The following FGF13 variants were observed in gnomAD, a reference collection of about 807,000 sequenced individuals.
The protein encoded by FGF13 is fibroblast growth factor homologous factor 2.
Under a neutral mutation model 19.5 loss-of-function variants are expected in FGF13, and 2 were observed. The observed-to-expected ratio is 0.10, with a 90% CI of 0.04 to 0.32. FGF13 has a LOEUF of 0.32. FGF13 is among the 10% of genes least tolerant of loss of function. The pLI, the probability that FGF13 is intolerant of heterozygous loss-of-function variation, is 1.00. For missense variants in FGF13, 113 were observed against 192.7 expected (o/e 0.59, Z 2.45); for synonymous variants, 72 against 76.9 (o/e 0.94, Z 0.33).
intron 3 of FGF13, among the ~76,000 whole-genome samples, chrX:138,768,726 T>TATATATATATATATATATA (rs1226957604): frequency 3.1e-5 from 3 of 97,866 alleles, no homozygotes; most frequent in Admixed American, 1.1e-4. Context: ...TAAGTATATA[T>TATATATATATATATATATA]TATATATATA....
At chrX:139,057,774 A>T (rs922596358) in intron 1 of FGF13, among the ~76,000 whole-genome samples, 1 of 112,504 alleles carries the variant, frequency 8.9e-6, no homozygotes, top group African/African-American at 3.2e-5. Flanking sequence ...AACTGAAAGA[A>T]GAAAGTCACA....
At chrX:138,868,169 T>C (rs773913753) in intron 1 of FGF13, among the ~76,000 whole-genome samples, 2 of 112,027 alleles carry the variant, frequency 1.8e-5, no homozygotes, top group East Asian at 2.8e-4. Flanking sequence ...AAAGTGCCTC[T>C]GGCCACAGTG....
chrX:138,810,235 C>T, intron 3 of FGF13, among the ~76,000 whole-genome samples: 1 of 111,614 alleles, frequency 9.0e-6, no homozygotes, highest in African/African-American at 3.3e-5. Flanking sequence ...GGTACTGGTG[C>T]CAAAACAGAG....
At chrX:138,847,436 G>T (rs1403211000) in intron 3 of FGF13, among the ~76,000 whole-genome samples, 1 of 111,509 alleles carries the variant, frequency 9.0e-6, no homozygotes, top group South Asian at 3.7e-4. Context: ...AGCTGGACAT[G>T]CTTCTGAGAA....
chrX:139,031,748 G>A lies in FGF13; in HGVS notation c.-112-167098C>T, dbSNP rs1466658669. ...AAAACCAAACAAACATGCTCCAGAA[G>A]TTTGTATGGTAAATCAAGAAGCCTC... On this transcript the variant is annotated intron_variant, in intron 1 of 2. Transcript: ENST00000421460. 3.7e-5 allele frequency among the ~76,000 whole-genome samples: 4 copies of A among 108,645 alleles called. No individual in the cohort carries two copies. The Admixed American group carries it at 3.9e-4, about 11-fold the overall frequency. 94.3% of individuals were successfully genotyped at this position (108,645 alleles called of 115,157 possible). A position where few individuals can be genotyped will look rare whatever the true frequency, so the allele number is the denominator to read the frequency against.
intron 1 of FGF13, among the ~76,000 whole-genome samples, chrX:139,099,392 A>G (rs530009380): frequency 1.8e-5 from 2 of 108,611 alleles, no homozygotes; most frequent in East Asian, 5.7e-4. Context: ...AAAAAAAAAA[A>G]AAAAAAGAAA....
At chrX:138,770,476 C>T (rs776285734) in intron 3 of FGF13, among the ~76,000 whole-genome samples, 1 of 111,077 alleles carries the variant, frequency 9.0e-6, no homozygotes, top group East Asian at 2.9e-4. Context: ...TCACTAACCC[C>T]ATTCTTTCAT....
At chrX:139,075,022 G>A (rs953565554) in intron 1 of FGF13, among the ~76,000 whole-genome samples, 8 of 111,856 alleles carry the variant, frequency 7.2e-5, no homozygotes, top group Non-Finnish European at 1.5e-4. Flanking sequence ...CAGGTCTCTC[G>A]TGACATGTAC....
At chrX:139,039,953 G>A (rs2092263681) in intron 1 of FGF13, among the ~76,000 whole-genome samples, 1 of 111,808 alleles carries the variant, frequency 8.9e-6, no homozygotes, top group Admixed American at 9.5e-5. Flanking sequence ...TGAAAAGGTT[G>A]TATACTTCCA....
chrX:138,729,478 GAAAGA>G (rs1263595013), intron 1 of FGF13, among the ~76,000 whole-genome samples: 1 of 109,732 alleles, frequency 9.1e-6, no homozygotes, highest in East Asian at 2.9e-4. Flanking sequence ...GCAACAGAAA[GAAAGA>G]AAACAGTCAA....
In FGF13 at chrX:139,145,961, A is replaced by G. The variant is rs374918772; in HGVS notation, c.-113+57455T>C. Among the ~76,000 whole-genome samples the G allele has an allele frequency of 3.1e-4, 35 of 111,892 alleles. No homozygotes were observed. In the South Asian group the frequency reaches 0.013, roughly 42 times the overall value. On this transcript the variant is annotated intron_variant, in intron 1 of 2. Coordinates refer to the FGF13 transcript ENST00000421460. ...AACCTTTCCTTACACCTTATACAAA[A>G]ATTAATTCAAGATGGATTAAAGACT... is the stretch of plus-strand genomic sequence containing the variant.
intron 1 of FGF13, among the ~76,000 whole-genome samples, chrX:138,996,047 G>T (rs1271995983): frequency 1.8e-5 from 2 of 111,800 alleles, no homozygotes; most frequent in African/African-American, 6.5e-5. Context: ...TTGAAAAGCA[G>T]TCTGGAGAGG....
At chrX:138,958,177 C>T (rs1385652760) in intron 1 of FGF13, among the ~76,000 whole-genome samples, 2 of 111,531 alleles carry the variant, frequency 1.8e-5, no homozygotes, top group Admixed American at 1.9e-4. Flanking sequence ...ATAAATAGCT[C>T]TTATTATTTT....
At chrX:138,728,946 G>A (rs1331380542) in intron 1 of FGF13, among the ~76,000 whole-genome samples, 1 of 111,357 alleles carries the variant, frequency 9.0e-6, no homozygotes, top group African/African-American at 3.3e-5. Flanking sequence ...AAAGTCTGTG[G>A]TGAACTGAAT....
At chrX:139,095,885 G>C (rs1447676223) in intron 1 of FGF13, among the ~76,000 whole-genome samples, 1 of 111,895 alleles carries the variant, frequency 8.9e-6, no homozygotes, top group East Asian at 2.8e-4. Context: ...TGCAATGCCA[G>C]GGAGGGCCTC....
At chrX:139,127,404 T>C (rs145249860) in intron 1 of FGF13, among the ~76,000 whole-genome samples, 2,190 of 111,554 alleles carry the variant, frequency 0.02, 49 homozygotes, top group African/African-American at 0.068. Context: ...GAGAGCTGGG[T>C]GAGGTATCTT....
At chrX:139,125,044 T>C (rs2083705406) in intron 1 of FGF13, among the ~76,000 whole-genome samples, 1 of 112,017 alleles carries the variant, frequency 8.9e-6, no homozygotes, top group Non-Finnish European at 1.9e-5. Context: ...TTTTTGCTTC[T>C]GTCCATGAAA....
chrX:138,786,317 G>GA (rs1432447827), intron 3 of FGF13, among the ~76,000 whole-genome samples: 255 of 107,016 alleles, frequency 2.4e-3, no homozygotes, highest in African/African-American at 6.8e-3. Context: ...TCACTCCCCA[G>GA]AAAAAAAAAA....
chrX:138,936,715 G>A (rs2091732973), intron 1 of FGF13, among the ~76,000 whole-genome samples: 2 of 111,652 alleles, frequency 1.8e-5, no homozygotes, highest in Non-Finnish European at 3.8e-5. Flanking sequence ...CACCTATTAT[G>A]CATTCCTTTC....
Sources: allele counts gnomAD v4.1 joint callset (sites outside exome capture counted in the v4.1 genomes callset), GRCh38; gene constraint gnomAD v4.1.1; transcripts MANE v1.5; gene names NCBI Gene and HGNC (gene_info 2026-07-23, HGNC 2026-07-21).